Variants in MED4 observed in about 807,000 individuals in gnomAD.
MED4 encodes mediator of RNA polymerase II transcription subunit 4.
A neutral mutation model predicts 35.0 loss-of-function variants in MED4; 21 were observed. The ratio of observed to expected loss-of-function variants is 0.60; its 90% confidence interval spans 0.43 to 0.86. MED4 has a LOEUF of 0.86. MED4 is among the 40% of genes least tolerant of loss of function. MED4 has a pLI of 0.00. For missense variants in MED4, 300 were observed against 319.4 expected (o/e 0.94, Z 0.46); for synonymous variants, 138 against 114.0 (o/e 1.21, Z -1.34).
In MED4 at chr13:48,076,860, C is replaced by A; in HGVS notation, c.*279G>T. On this transcript the variant is annotated 3_prime_UTR_variant, in exon 7 of 7. Coordinates refer to ENST00000258648, the MANE Select transcript of MED4 (RefSeq NM_014166.4). ...ATGGCTATGTACAAATCCAGCAAAA[C>A]TGGAACAGAACAGGGTAAGAAAGCA... 1 of 267,370 alleles carries A rather than the reference C, an allele frequency of 3.7e-6. No homozygotes were observed. The highest frequency in any genetic ancestry group is 7.0e-6 in the Non-Finnish European group (1 of 142,240). 16.6% of individuals were successfully genotyped at this position (267,370 alleles called of 1,614,324 possible). A position where few individuals can be genotyped will look rare whatever the true frequency, so the allele number is the denominator to read the frequency against.
chr13:48,091,202 G>A (rs1950887605), intron 1 of MED4, among the ~76,000 whole-genome samples: 1 of 152,056 alleles, frequency 6.6e-6, no homozygotes. Context: ...AACTAAGAGG[G>A]ATCCTTACAC....
Position 48,077,058 on chromosome 13 carries a change from C to A in MED4, c.*81G>T. The A allele has an allele frequency of 1.6e-6, 2 of 1,261,652 alleles. No individual in the cohort carries two copies. The highest frequency in any genetic ancestry group is 1.6e-5 in the South Asian group (1 of 62,616). 78.2% of individuals were successfully genotyped at this position (1,261,652 alleles called of 1,614,324 possible). A position where few individuals can be genotyped will look rare whatever the true frequency, so the allele number is the denominator to read the frequency against. On this transcript the variant is annotated 3_prime_UTR_variant, in exon 7 of 7. Transcript: ENST00000258648. ...TGTTTACCTGGGTATTTTTTGTCAC[C>A]TGTAGTTTACATTTCCCTGCTACTG... is the stretch of plus-strand genomic sequence containing the variant.
At chr13:48,088,455 A>C (rs1348890904) in intron 2 of MED4, among the ~76,000 whole-genome samples, 1 of 152,212 alleles carries the variant, frequency 6.6e-6, no homozygotes, top group East Asian at 1.9e-4. Context: ...TAAAAAGTAA[A>C]GTATATTCTA....
chr13:48,079,776 G>A, intron 6 of MED4, 68 bp downstream of exon 6: 1 of 1,540,116 alleles, frequency 6.5e-7, no homozygotes, highest in East Asian at 2.3e-5. Context: ...TTTACCGCCA[G>A]ATATTCCAAC....
At chr13:48,079,306 T>C (rs914626683) in intron 6 of MED4, among the ~76,000 whole-genome samples, 4 of 152,158 alleles carry the variant, frequency 2.6e-5, no homozygotes, top group African/African-American at 9.7e-5. Flanking sequence ...AGCAATAATT[T>C]AAAAAGAGAG....
intron 6 of MED4, 84 bp downstream of exon 6, chr13:48,079,760 A>G: frequency 6.7e-7 from 1 of 1,499,938 alleles, no homozygotes; most frequent in East Asian, 2.4e-5. Flanking sequence ...GGAATCTCAA[A>G]CTTGCTTTAC....
At chr13:48,091,659 C>T (rs1950890890) in intron 1 of MED4, among the ~76,000 whole-genome samples, 1 of 152,096 alleles carries the variant, frequency 6.6e-6, no homozygotes, top group Non-Finnish European at 1.5e-5. Flanking sequence ...TATTGAGTGC[C>T]TATCATGTGC....
intron 6 of MED4, chr13:48,077,535 CT>C (rs1950770140): frequency 6.2e-6 from 2 of 323,148 alleles, no homozygotes; most frequent in Non-Finnish European, 1.1e-5. Flanking sequence ...CCTCAGCCTC[CT>C]GAGTAACTGG....
At chr13:48,079,157 GTTATAAAAGT>G (rs1439227176) in intron 6 of MED4, among the ~76,000 whole-genome samples, 1 of 152,122 alleles carries the variant, frequency 6.6e-6, no homozygotes. Context: ...ATTTTATAAA[GTTATAAAAGT>G]TTATAAAAAG....
At chr13:48,090,443 CA>C in intron 1 of MED4, 25 bp from the exon 2 acceptor site, 3 of 1,549,860 alleles carry the variant, frequency 1.9e-6, no homozygotes, top group Non-Finnish European at 2.6e-6. Context: ...CCAACAACAA[CA>C]AAAACCCTTT....
At chr13:48,093,650 A>C (rs1950905308) in intron 1 of MED4, 1 of 462,120 alleles carries the variant, frequency 2.2e-6, no homozygotes, top group Admixed American at 2.5e-5. Flanking sequence ...GGCCTCCCAA[A>C]GTGCTCGGAT....
chr13:48,083,579 C>T, intron 3 of MED4, 151 bp from the exon 4 acceptor site: 1 of 568,622 alleles, frequency 1.8e-6, no homozygotes. Context: ...TGAAATACCA[C>T]TTGACATTAT....
At position 48,077,181 on chromosome 13, in the gene MED4, A is replaced by G; in HGVS notation, c.771T>C (p.Ile257=). ...TACTGCTTGAGGAGTCCGTTGACATAATCTCTACATCATCTTCATTTTCTT... is the reference window on the plus strand; with the variant it reads ...TACTGCTTGAGGAGTCCGTTGACATGATCTCTACATCATCTTCATTTTCTT... ...HNKENEDDVE[I]MSTDSSSSSS... Residue 257 remains isoleucine, a synonymous_variant, in exon 7 of 7, where the codon ATT becomes ATC. Coordinates refer to ENST00000258648, the MANE Select transcript of MED4 (RefSeq NM_014166.4). 6.2e-7 allele frequency: 1 copy of G among 1,609,684 alleles called. No individual in the cohort carries two copies. Among genetic ancestry groups the G allele is most frequent in the Non-Finnish European group, 8.5e-7 (1 of 1,178,574 alleles).
Position 48,094,864 on chromosome 13 carries a change from C to A in MED4, c.125+90G>T, listed in dbSNP as rs1950917003. ...CCCGAGCTGGCCCTCCCCGCCGAAC[C>A]CCGAGAACGAGCACAAACGCAGGGC... On this transcript the variant is annotated intron_variant, in intron 1 of 6. Coordinates refer to ENST00000258648, the MANE Select transcript of MED4 (RefSeq NM_014166.4). 12 of 1,552,156 alleles carry A rather than the reference C, an allele frequency of 7.7e-6. No individual in the cohort carries two copies. The South Asian group carries it at 1.2e-4, about 16-fold the overall frequency.
intron 3 of MED4, among the ~76,000 whole-genome samples, chr13:48,085,134 G>T (rs1218607741): frequency 1.3e-5 from 2 of 150,596 alleles, no homozygotes; most frequent in Non-Finnish European, 2.9e-5. Flanking sequence ...TTCCCAAAGT[G>T]CTGGGATTAC....
chr13:48,086,850 G>T (rs1950852241), intron 2 of MED4, among the ~76,000 whole-genome samples: 1 of 151,988 alleles, frequency 6.6e-6, no homozygotes, highest in Admixed American at 6.6e-5. Context: ...ACGAGTTCTA[G>T]ACTGGCCTGG....
chr13:48,083,072 C>T (rs573289661), intron 4 of MED4, among the ~76,000 whole-genome samples: 89 of 152,222 alleles, frequency 5.8e-4, no homozygotes, highest in Non-Finnish European at 1.2e-3. Flanking sequence ...CCACTTCTAA[C>T]CCATACTTCT....
chr13:48,081,857 C>T (rs570898656), intron 4 of MED4, 126 bp from the exon 5 acceptor site: 1 of 519,172 alleles, frequency 1.9e-6, no homozygotes, highest in East Asian at 3.5e-5. Context: ...TCTCAGTCAC[C>T]TGCCTTCCTT....
rs1365110310 is a variant in MED4 at position 48,075,991 on chromosome 13, T to C, written c.*1148A>G. On this transcript the variant is annotated 3_prime_UTR_variant, in exon 7 of 7. Transcript: ENST00000258648. The stretch of plus-strand genomic sequence containing the variant: ...TGGAATTCTCAGTTCATTTGAAGAA[T>C]ACAGATTAGCAATTAAAAAATACAG... The C allele has an allele frequency of 2.0e-5, 3 of 152,150 alleles. No homozygotes were observed. The highest frequency in any genetic ancestry group is 4.4e-5 in the Non-Finnish European group (3 of 67,996). 9.4% of individuals were successfully genotyped at this position (152,150 alleles called of 1,614,324 possible).
Sources: gnomAD v4.1 joint callset for allele counts (sites outside exome capture counted in the v4.1 genomes callset) on GRCh38, gnomAD v4.1.1 for gene constraint, MANE v1.5 for transcripts, NCBI Gene and HGNC (gene_info 2026-07-23, HGNC 2026-07-21) for gene names.